Variants in BTBD9 observed in about 807,000 individuals in gnomAD.
BTBD9 encodes the protein BTB/POZ domain-containing protein 9.
In BTBD9, 49 loss-of-function variants were observed where a neutral mutation model predicts 64.3. That is an observed-to-expected ratio of 0.76 (90% CI 0.61 to 0.97). The LOEUF is 0.97. Among genes scored for constraint, BTBD9 ranks in the 50% least tolerant of loss-of-function variants. BTBD9 has a pLI of 0.00. For missense variants in BTBD9, 598 were observed against 762.1 expected, an observed-to-expected ratio of 0.78 and a Z score of 2.53; for synonymous variants, 260 against 274.7, an observed-to-expected ratio of 0.95 and a Z score of 0.53.
intron 10 of BTBD9, among the ~76,000 whole-genome samples, chr6:38,187,170 T>C (rs1469477431): frequency 6.6e-6 from 1 of 152,210 alleles, no homozygotes; most frequent in Non-Finnish European, 1.5e-5. Context: ...TCTTGGGGGC[T>C]GAAACTAAAG....
rs998779927 is a variant in BTBD9, at chr6:38,184,080, G to A, written c.1641+8439C>T. ...TCTGGCTTCTGTCCTTCAACACGCC[G>A]TTATGTTCATCCACCCACAGTCCCT... is the stretch of plus-strand genomic sequence containing the variant. On this transcript the variant is annotated intron_variant, in intron 10 of 10. Coordinates refer to ENST00000481247, the MANE Select transcript of BTBD9 (RefSeq NM_001099272.2). The surrounding 1 kb of genome is among the most constrained non-coding windows in gnomAD (Gnocchi z 4.4). 6.6e-6 allele frequency among the ~76,000 whole-genome samples: 1 copy of A among 152,190 alleles called. No homozygotes were observed. Among genetic ancestry groups the A allele is most frequent in the Non-Finnish European group, 1.5e-5 (1 of 68,038 alleles).
chr6:38,339,075 T>A (rs1278414062), intron 7 of BTBD9, among the ~76,000 whole-genome samples: 2 of 152,200 alleles, frequency 1.3e-5, no homozygotes, highest in South Asian at 4.1e-4. Flanking sequence ...GAAAATTCTA[T>A]GTGCATTTAC....
At chr6:38,463,838 C>A (rs756855751) in intron 6 of BTBD9, among the ~76,000 whole-genome samples, 1 of 152,136 alleles carries the variant, frequency 6.6e-6, no homozygotes, top group Non-Finnish European at 1.5e-5. Context: ...TTGAGACCAG[C>A]CTGGCCAACA....
At chr6:38,578,307 C>T (rs564643219) in intron 5 of BTBD9, among the ~76,000 whole-genome samples, 10 of 152,130 alleles carry the variant, frequency 6.6e-5, no homozygotes, top group African/African-American at 2.4e-4. Flanking sequence ...AGAGATAATG[C>T]GTGTTTCGTA....
chr6:38,410,233 G>A (rs1273124737), intron 6 of BTBD9, among the ~76,000 whole-genome samples: 3 of 152,140 alleles, frequency 2.0e-5, no homozygotes, highest in African/African-American at 4.8e-5. Context: ...CACTTTGGGA[G>A]GCTGAGGCGG....
chr6:38,215,008 T>C (rs1433549785), intron 9 of BTBD9, among the ~76,000 whole-genome samples: 1 of 152,170 alleles, frequency 6.6e-6, no homozygotes, highest in Non-Finnish European at 1.5e-5. Flanking sequence ...TAAAATAACA[T>C]AAGGCACTTG....
intron 6 of BTBD9, among the ~76,000 whole-genome samples, chr6:38,517,775 T>C (rs1773101642): frequency 6.6e-6 from 1 of 152,206 alleles, no homozygotes; most frequent in African/African-American, 2.4e-5. Flanking sequence ...CTTAGTTTGT[T>C]GTAAAGCAAA....
chr6:38,579,496 G>A (rs1458206242), intron 5 of BTBD9, among the ~76,000 whole-genome samples: 2 of 152,210 alleles, frequency 1.3e-5, no homozygotes. Flanking sequence ...CACAGTGGGT[G>A]AAAGCATCAC....
chr6:38,556,530 TGTGTGTGTGTGTGTGTGTGTGAGAGAGA>T (rs1775023417), intron 6 of BTBD9, among the ~76,000 whole-genome samples: 1 of 57,572 alleles, frequency 1.7e-5, no homozygotes, highest in African/African-American at 1.3e-4. Flanking sequence ...TGTGTGTGTG[TGTGTGTGTGTGTGTGTGTGTGAGAGAGA>T]GAGAGAGAGA....
At chr6:38,465,414 G>A (rs1365920984) in intron 6 of BTBD9, among the ~76,000 whole-genome samples, 2 of 144,004 alleles carry the variant, frequency 1.4e-5, no homozygotes, top group East Asian at 2.1e-4. Context: ...TCAGGAAATC[G>A]AGACCATCCT....
chr6:38,254,429 A>G (rs558996553), intron 9 of BTBD9, among the ~76,000 whole-genome samples: 76 of 152,168 alleles, frequency 5.0e-4, no homozygotes, highest in Admixed American at 1.6e-3. Context: ...CCTAGGCAAT[A>G]TGGTGAGGTG....
intron 9 of BTBD9, 83 bp from the exon 10 acceptor site, chr6:38,192,680 A>G: frequency 1.6e-6 from 2 of 1,259,214 alleles, no homozygotes; most frequent in Non-Finnish European, 2.3e-6. Context: ...ATGTCCACTG[A>G]GGAGGGAGGG....
chr6:38,498,197 A>G (rs1582530076), intron 6 of BTBD9, among the ~76,000 whole-genome samples: 1 of 152,342 alleles, frequency 6.6e-6, no homozygotes, highest in East Asian at 1.9e-4. Flanking sequence ...CCTGTCTATA[A>G]TATCTAAAAC....
chr6:38,470,730 T>A (rs1383490758), intron 6 of BTBD9, among the ~76,000 whole-genome samples: 1 of 152,190 alleles, frequency 6.6e-6, no homozygotes, highest in Admixed American at 6.5e-5. Context: ...GCATGAGCCA[T>A]CTAAAGCATG....
At chr6:38,353,185 T>C (rs994766794) in intron 6 of BTBD9, among the ~76,000 whole-genome samples, 12 of 152,222 alleles carry the variant, frequency 7.9e-5, no homozygotes, top group African/African-American at 2.9e-4. Flanking sequence ...ACACCTATTA[T>C]AGCTATTTAG....
chr6:38,422,747 G>C (rs1038588830), intron 6 of BTBD9, among the ~76,000 whole-genome samples: 1 of 152,086 alleles, frequency 6.6e-6, no homozygotes, highest in Non-Finnish European at 1.5e-5. Flanking sequence ...TTTACACAGG[G>C]TTTTCTAGGC....
chr6:38,327,384 CAGGTTTAGAGGCCCCTTCCCAA>C (rs1274184780), intron 7 of BTBD9, among the ~76,000 whole-genome samples: 1 of 152,138 alleles, frequency 6.6e-6, no homozygotes, highest in Admixed American at 6.5e-5. Flanking sequence ...AAGGGGCCAG[CAGGTTTAGAGGCCCCTTCCCAA>C]AACTGTATAC....
intron 8 of BTBD9, among the ~76,000 whole-genome samples, chr6:38,269,239 C>G (rs1248059791): frequency 6.6e-6 from 1 of 152,074 alleles, no homozygotes; most frequent in Non-Finnish European, 1.5e-5. Context: ...GGTGAAAATC[C>G]TAACTACCAA....
chr6:38,335,886 A>G (rs1025858941), intron 7 of BTBD9, among the ~76,000 whole-genome samples: 1 of 152,004 alleles, frequency 6.6e-6, no homozygotes, highest in Non-Finnish European at 1.5e-5. Flanking sequence ...GGTGCCCGCC[A>G]CCACACCTGG....
Sources: gnomAD v4.1 joint callset for allele counts (sites outside exome capture counted in the v4.1 genomes callset) on GRCh38, gnomAD v4.1.1 for gene constraint, Gnocchi (gnomAD v3.1) non-coding constraint, MANE v1.5 for transcripts, NCBI Gene and HGNC (gene_info 2026-07-23, HGNC 2026-07-21) for gene names.